The following ROBO2 variants were observed in gnomAD, a reference collection of about 807,000 sequenced individuals.
ROBO2 encodes roundabout homolog 2.
ROBO2 carries 53 observed loss-of-function variants against 160.8 expected under a neutral mutation model. That is an observed-to-expected ratio of 0.33 (90% CI 0.26 to 0.41). The LOEUF is 0.41. ROBO2 is among the 10% of genes least tolerant of loss of function. The probability of loss-of-function intolerance (pLI) is 1.00; values close to 1 mark genes in which losing one functional copy is unlikely to be tolerated. For synonymous variants in ROBO2, 664 were observed against 611.7 expected, an observed-to-expected ratio of 1.09 and a Z score of -1.26; for missense variants, 1,577 against 1,722.4, an observed-to-expected ratio of 0.92 and a Z score of 1.49.
In ROBO2 at chr3:76,810,608, GGAA is replaced by G. The variant is rs2065085823; in HGVS notation, c.110-287396_110-287394del. ...AGGCAGCATTCATATTTTGGGGGCA[GGAA>G]GAAGAAGAAACAGCTACTACAGACA... On this transcript the variant is annotated intron_variant, in intron 2 of 26. Coordinates refer to the ROBO2 transcript ENST00000487694. Among the ~76,000 whole-genome samples, 2 of 151,966 alleles carry G rather than the reference GGAA, an allele frequency of 1.3e-5. 1 individual carries two copies. Among genetic ancestry groups the G allele is most frequent in the Admixed American group, 1.3e-4 (2 of 15,236 alleles).
chr3:75,931,750 T>G (rs556114005), intron 1 of ROBO2, among the ~76,000 whole-genome samples: 1 of 152,196 alleles, frequency 6.6e-6, no homozygotes, highest in Admixed American at 6.5e-5. Context: ...ACCCTTGTTG[T>G]GTATTCAGTC....
At chr3:77,439,913 AC>A (rs1284270582) in intron 2 of ROBO2, among the ~76,000 whole-genome samples, 5 of 152,160 alleles carry the variant, frequency 3.3e-5, no homozygotes, top group African/African-American at 1.2e-4. Context: ...ATTAAGTTAA[AC>A]ACATTTTGGC....
intron 2 of ROBO2, among the ~76,000 whole-genome samples, chr3:76,396,276 C>T (rs564256696): frequency 1.2e-4 from 19 of 152,080 alleles, no homozygotes; most frequent in African/African-American, 3.9e-4. Context: ...TCAACAGCCC[C>T]TCATGCTAAA....
chr3:75,933,795 A>AAGCCAG, intron 1 of ROBO2, among the ~76,000 whole-genome samples: 1 of 152,330 alleles, frequency 6.6e-6, no homozygotes, highest in East Asian at 1.9e-4. Flanking sequence ...CCACAGATAG[A>AAGCCAG]AGCCAGAGAT....
chr3:77,444,543 C>T (rs1166065063), intron 2 of ROBO2, among the ~76,000 whole-genome samples: 1 of 152,024 alleles, frequency 6.6e-6, no homozygotes, highest in Non-Finnish European at 1.5e-5. Flanking sequence ...TTTCTAAGTT[C>T]AGTTAATTGA....
At chr3:76,950,000 A>G (rs1445958661) in intron 2 of ROBO2, among the ~76,000 whole-genome samples, 2 of 152,250 alleles carry the variant, frequency 1.3e-5, no homozygotes, top group Non-Finnish European at 2.9e-5. Context: ...CTTTCTCTGT[A>G]CAAGGTTAGA....
chr3:76,766,825 T>C (rs974022365), intron 2 of ROBO2, among the ~76,000 whole-genome samples: 2 of 151,542 alleles, frequency 1.3e-5, no homozygotes, highest in Non-Finnish European at 1.5e-5. Context: ...TGCTGGGTAA[T>C]TGAATACTCT....
chr3:77,328,062 CAAAAA>C (rs57829219), intron 2 of ROBO2, among the ~76,000 whole-genome samples: 14 of 112,850 alleles, frequency 1.2e-4, no homozygotes, highest in Non-Finnish European at 1.9e-4. Flanking sequence ...GACCGTATCT[CAAAAA>C]AAAAAAAAAA....
chr3:76,916,715 AG>A (rs2076338283), intron 2 of ROBO2, among the ~76,000 whole-genome samples: 1 of 152,054 alleles, frequency 6.6e-6, no homozygotes, highest in South Asian at 2.1e-4. Flanking sequence ...TAATAAAAGG[AG>A]TAAAATCATC....
intron 2 of ROBO2, among the ~76,000 whole-genome samples, chr3:76,574,795 T>C (rs1326609142): frequency 1.3e-5 from 2 of 152,074 alleles, no homozygotes; most frequent in African/African-American, 4.8e-5. Flanking sequence ...TGATTTAATA[T>C]CTCTAGACTG....
At chr3:75,911,575 T>G (rs1946587170) in intron 1 of ROBO2, among the ~76,000 whole-genome samples, 1 of 143,196 alleles carries the variant, frequency 7.0e-6, no homozygotes, top group Non-Finnish European at 1.5e-5. Flanking sequence ...TTTTTTTTTT[T>G]GAGACGGAGT....
chr3:77,186,460 A>C (rs80074924), intron 2 of ROBO2, among the ~76,000 whole-genome samples: 11,917 of 152,048 alleles, frequency 0.078, 541 homozygotes, highest in African/African-American at 0.11. Context: ...CTTTGGAATC[A>C]AGGGAGAGCA....
chr3:77,616,557 G>A (rs1029021002), intron 21 of ROBO2, among the ~76,000 whole-genome samples: 1 of 152,084 alleles, frequency 6.6e-6, no homozygotes, highest in African/African-American at 2.4e-5. Flanking sequence ...TGTGATTGTG[G>A]GAGTGGGGGT....
At position 77,026,692 on chromosome 3, in the gene ROBO2, T is replaced by A. The variant is rs945588501; in HGVS notation, c.110-71322T>A. ...AGGCTTTAGAAGTCACTATTTCATC[T>A]GTGTCATTTTACAGATAATGGAACT... On this transcript the variant is annotated intron_variant, in intron 2 of 26. Coordinates refer to the ROBO2 transcript ENST00000487694. Among the ~76,000 whole-genome samples the A allele has an allele frequency of 4.6e-5, 7 of 152,222 alleles. 1 individual carries two copies. Among genetic ancestry groups the A allele is most frequent in the Admixed American group, 1.3e-4 (2 of 15,284 alleles).
intron 2 of ROBO2, among the ~76,000 whole-genome samples, chr3:76,931,206 GA>G (rs5850303): frequency 2.6e-5 from 4 of 151,660 alleles, no homozygotes; most frequent in South Asian, 4.1e-4. Flanking sequence ...GTGAAAATTA[GA>G]AAAAAAATTT....
chr3:76,272,961 T>TTATATATAAAATATATATAATATATA (rs1707643183), intron 2 of ROBO2, among the ~76,000 whole-genome samples: 4 of 9,250 alleles, frequency 4.3e-4, no homozygotes, highest in African/African-American at 7.2e-4. Context: ...ATAATATATA[T>TTATATATAAAATATATATAATATATA]TTATATATAA....
chr3:76,620,310 A>G (rs998535342), intron 2 of ROBO2, among the ~76,000 whole-genome samples: 2 of 152,172 alleles, frequency 1.3e-5, no homozygotes, highest in African/African-American at 4.8e-5. Flanking sequence ...AAAAGCTACA[A>G]ATTTTACAGT....
At chr3:77,187,666 T>G (rs1476622536) in intron 2 of ROBO2, among the ~76,000 whole-genome samples, 1 of 151,940 alleles carries the variant, frequency 6.6e-6, no homozygotes, top group Non-Finnish European at 1.5e-5. Context: ...TCTCTTCAAT[T>G]TTATTTATTT....
At chr3:77,123,717 A>G (rs1348505769) in intron 2 of ROBO2, among the ~76,000 whole-genome samples, 1 of 138,770 alleles carries the variant, frequency 7.2e-6, no homozygotes, top group Non-Finnish European at 1.5e-5. Context: ...ATATAGATAT[A>G]TAGATAATCT....
Sources: gnomAD v4.1 joint callset for allele counts (sites outside exome capture counted in the v4.1 genomes callset) on GRCh38, gnomAD v4.1.1 for gene constraint, MANE v1.5 for transcripts, NCBI Gene and HGNC (gene_info 2026-07-23, HGNC 2026-07-21) for gene names.